The following TAS2R1 variants were observed in gnomAD, a reference collection of about 807,000 sequenced individuals.
The protein encoded by TAS2R1 is taste receptor type 2 member 1.
For synonymous variants in TAS2R1, 141 were observed against 134.2 expected, an observed-to-expected ratio of 1.05 and a Z score of -0.35; for missense variants, 370 against 353.4, an observed-to-expected ratio of 1.05 and a Z score of -0.38.
the TAS2R1 span, among the ~76,000 whole-genome samples, chr5:9,724,298 A>C: frequency 6.7e-6 from 1 of 150,028 alleles, no homozygotes; most frequent in Non-Finnish European, 1.5e-5. Flanking sequence ...CAGACCCTTT[A>C]ATCTTTATTT....
chr5:9,777,877 G>GTTTT, the TAS2R1 span, among the ~76,000 whole-genome samples: 272 of 142,904 alleles, frequency 1.9e-3, 7 homozygotes, highest in Middle Eastern at 3.8e-3. Context: ...GAGGCCAGGT[G>GTTTT]TTTTTTTTTT....
chr5:9,840,853 ATTTATTTTTTTTTTTTTTTT>A, the TAS2R1 span, among the ~76,000 whole-genome samples: 8 of 19,600 alleles, frequency 4.1e-4, no homozygotes, highest in African/African-American at 1.1e-3. Flanking sequence ...TTATTTATTT[ATTTATTTTTTTTTTTTTTTT>A]TTTTTTTTTT....
At chr5:9,635,872 C>A (rs912262866) in intron 2 of TAS2R1, among the ~76,000 whole-genome samples, 5 of 151,914 alleles carry the variant, frequency 3.3e-5, no homozygotes, top group African/African-American at 1.2e-4. Flanking sequence ...TTTTGTTTAT[C>A]CTTTCAAAGA....
intron 1 of TAS2R1, among the ~76,000 whole-genome samples, chr5:9,686,223 T>C (rs879607877): frequency 7.2e-5 from 11 of 152,308 alleles, no homozygotes; most frequent in Non-Finnish European, 1.6e-4. Flanking sequence ...CTTCATTTAT[T>C]ATTAATCTTA....
chr5:9,689,436 G>T (rs1741192116), intron 1 of TAS2R1, among the ~76,000 whole-genome samples: 1 of 152,138 alleles, frequency 6.6e-6, no homozygotes, highest in South Asian at 2.1e-4. Context: ...TTAAAAATAA[G>T]CCACCCAGGT....
At chr5:9,840,388 C>T in the TAS2R1 span, among the ~76,000 whole-genome samples, 11 of 152,112 alleles carry the variant, frequency 7.2e-5, no homozygotes, top group Non-Finnish European at 1.2e-4. Context: ...GTTTTTTATC[C>T]TTCCCATCTT....
the TAS2R1 span, among the ~76,000 whole-genome samples, chr5:9,796,417 G>A: frequency 6.6e-6 from 1 of 152,140 alleles, no homozygotes; most frequent in African/African-American, 2.4e-5. Context: ...GACAATTCAA[G>A]AGGATATGGC....
chr5:9,702,091 C>A (rs912778062), intron 1 of TAS2R1, among the ~76,000 whole-genome samples: 1 of 152,184 alleles, frequency 6.6e-6, no homozygotes, highest in African/African-American at 2.4e-5. Context: ...TTCTCCAAGT[C>A]AGTCAGTTTA....
At chr5:9,755,283 T>TTA in the TAS2R1 span, among the ~76,000 whole-genome samples, 5 of 151,928 alleles carry the variant, frequency 3.3e-5, no homozygotes, top group Non-Finnish European at 7.4e-5. Context: ...AGCAACTTTA[T>TTA]TAAGAAAGTA....
the TAS2R1 span, among the ~76,000 whole-genome samples, chr5:9,717,734 C>T: frequency 3.4e-4 from 51 of 151,922 alleles, no homozygotes; most frequent in East Asian, 3.9e-4. Flanking sequence ...TAGATCCATC[C>T]GTCAAACCCT....
chr5:9,765,026 T>C, the TAS2R1 span, among the ~76,000 whole-genome samples: 1 of 152,134 alleles, frequency 6.6e-6, no homozygotes, highest in African/African-American at 2.4e-5. Context: ...TAAAATGTAT[T>C]TATAGTATGA....
At chr5:9,808,283 G>T in the TAS2R1 span, among the ~76,000 whole-genome samples, 1 of 152,140 alleles carries the variant, frequency 6.6e-6, no homozygotes, top group East Asian at 1.9e-4. Flanking sequence ...ATGAAGTAAA[G>T]GTAATCCCTA....
Position 9,628,548 on chromosome 5 carries a change from G to A in TAS2R1, c.*585C>T, listed in dbSNP as rs143274151. Among the ~76,000 whole-genome samples, 1 of 152,086 alleles carries A rather than the reference G, an allele frequency of 6.6e-6. No individual in the cohort carries two copies. The highest frequency in any genetic ancestry group is 1.5e-5 in the Non-Finnish European group (1 of 68,022). On this transcript the variant is annotated 3_prime_UTR_variant, in exon 1 of 1. Coordinates refer to ENST00000382492, the MANE Select transcript of TAS2R1 (RefSeq NM_019599.3). ...GAATATGCTTATAAGGATGGAGAAG[G>A]CCTGCTTGTCCTTGCTTCCTTTGTG...
intron 1 of TAS2R1, among the ~76,000 whole-genome samples, chr5:9,702,680 T>C (rs541396217): frequency 3.3e-5 from 5 of 152,298 alleles, no homozygotes; most frequent in African/African-American, 9.6e-5. Flanking sequence ...AAATTGTTAA[T>C]TGAAACAATG....
chr5:9,721,988 A>T, the TAS2R1 span, among the ~76,000 whole-genome samples: 2 of 152,240 alleles, frequency 1.3e-5, no homozygotes, highest in Non-Finnish European at 2.9e-5. Context: ...TGGCCAGACC[A>T]GTAACTTAAC....
intron 1 of TAS2R1, chr5:9,712,065 G>T: frequency 7.2e-6 from 1 of 138,684 alleles, no homozygotes. Flanking sequence ...GGAGGGAATA[G>T]AAAGTGGGGT....
chr5:9,662,717 C>T (rs889837521), intron 1 of TAS2R1, among the ~76,000 whole-genome samples: 8 of 152,174 alleles, frequency 5.3e-5, no homozygotes, highest in African/African-American at 1.7e-4. Flanking sequence ...AAACTCTATC[C>T]GTGTTCTGGA....
At chr5:9,777,940 G>C in the TAS2R1 span, among the ~76,000 whole-genome samples, 2 of 150,826 alleles carry the variant, frequency 1.3e-5, no homozygotes, top group South Asian at 4.2e-4. Flanking sequence ...GACTGCAGTG[G>C]CGCAATCTCG....
the TAS2R1 span, among the ~76,000 whole-genome samples, chr5:9,899,877 G>A: frequency 0.17 from 26,311 of 152,070 alleles, 2,784 homozygotes; most frequent in Non-Finnish European, 0.24. Context: ...ATCATTAGAA[G>A]GTGGTTCCCA....
Sources: gnomAD v4.1 joint callset for allele counts (sites outside exome capture counted in the v4.1 genomes callset) on GRCh38, gnomAD v4.1.1 for gene constraint, MANE v1.5 for transcripts, NCBI Gene and HGNC (gene_info 2026-07-23, HGNC 2026-07-21) for gene names.